Variants in CACNA1D observed in about 807,000 individuals in gnomAD.
CACNA1D encodes the protein voltage-dependent L-type calcium channel subunit alpha-1D.
CACNA1D carries 55 observed loss-of-function variants against 257.1 expected under a neutral mutation model. The observed-to-expected ratio is 0.21, with a 90% CI of 0.17 to 0.27. The LOEUF (loss-of-function observed/expected upper bound fraction) is 0.27, where lower values mean the gene tolerates loss of function less well. Among genes scored for constraint, CACNA1D ranks in the 10% least tolerant of loss-of-function variants. The pLI, the probability that CACNA1D is intolerant of heterozygous loss-of-function variation, is 1.00. For synonymous variants in CACNA1D, 980 were observed against 1,014.9 expected, an observed-to-expected ratio of 0.97 and a Z score of 0.65; for missense variants, 1,876 against 2,784.0, an observed-to-expected ratio of 0.67 and a Z score of 7.34.
At chr3:53,725,054 C>T (rs2094921779) in intron 14 of CACNA1D, among the ~76,000 whole-genome samples, 1 of 143,110 alleles carries the variant, frequency 7.0e-6, no homozygotes, top group Non-Finnish European at 1.5e-5. Context: ...TCTAATGTTA[C>T]AAATGAATAA....
chr3:53,661,681 C>T (rs1000129720), intron 5 of CACNA1D, among the ~76,000 whole-genome samples: 1 of 152,206 alleles, frequency 6.6e-6, no homozygotes, highest in Non-Finnish European at 1.5e-5. Flanking sequence ...GGGGCTGTGG[C>T]TGTGTGCGTG....
chr3:53,781,878 A>G, intron 39 of CACNA1D: 2 of 572,832 alleles, frequency 3.5e-6, no homozygotes, highest in Non-Finnish European at 6.2e-6. Context: ...GCTTCAGTGA[A>G]AAACCAAAAC....
intron 3 of CACNA1D, among the ~76,000 whole-genome samples, chr3:53,618,487 A>T (rs1399004658): frequency 6.6e-6 from 1 of 151,936 alleles, no homozygotes; most frequent in Non-Finnish European, 1.5e-5. Flanking sequence ...CTGCTCAGAA[A>T]CCTCACACAA....
At chr3:53,532,833 T>C (rs777970249) in intron 3 of CACNA1D, among the ~76,000 whole-genome samples, 4 of 152,196 alleles carry the variant, frequency 2.6e-5, no homozygotes, top group Admixed American at 6.5e-5. Context: ...GCCCCCGCTC[T>C]CCTTTTATCC....
chr3:53,760,219 T>C (rs901048728), intron 29 of CACNA1D, among the ~76,000 whole-genome samples: 4 of 152,108 alleles, frequency 2.6e-5, no homozygotes, highest in Admixed American at 2.0e-4. Context: ...AGCTCCCCCA[T>C]AAATGCACCT....
At chr3:53,802,236 C>CT in intron 43 of CACNA1D, 63 bp downstream of exon 43, 2 of 1,256,366 alleles carry the variant, frequency 1.6e-6, no homozygotes, top group Non-Finnish European at 2.3e-6. Flanking sequence ...GCTGGCCTCT[C>CT]TGAGTGCTGA....
intron 3 of CACNA1D, among the ~76,000 whole-genome samples, chr3:53,572,604 T>C (rs115943045): frequency 0.018 from 2,755 of 152,204 alleles, 81 homozygotes; most frequent in African/African-American, 0.063. Flanking sequence ...TTCACCGTGT[T>C]GCCCAGGCTG....
intron 8 of CACNA1D, chr3:53,679,117 A>G (rs1191189331): frequency 6.6e-6 from 1 of 151,370 alleles, no homozygotes; most frequent in Non-Finnish European, 1.5e-5. Flanking sequence ...TAAAAATACA[A>G]AAATTAGCCA....
chr3:53,533,026 A>C (rs1387120805), intron 3 of CACNA1D, among the ~76,000 whole-genome samples: 2 of 152,160 alleles, frequency 1.3e-5, no homozygotes, highest in Non-Finnish European at 2.9e-5. Context: ...AGAATTTTGC[A>C]CTTCGACCTA....
At chr3:53,656,874 A>AGT (rs2094152304) in intron 4 of CACNA1D, among the ~76,000 whole-genome samples, 1 of 152,236 alleles carries the variant, frequency 6.6e-6, no homozygotes, top group South Asian at 2.1e-4. Context: ...CATACCCACT[A>AGT]GTATTACTAA....
At chr3:53,573,251 A>G (rs989611610) in intron 3 of CACNA1D, among the ~76,000 whole-genome samples, 1 of 152,142 alleles carries the variant, frequency 6.6e-6, no homozygotes, top group Non-Finnish European at 1.5e-5. Context: ...GCTGGCAGGA[A>G]AGGGCTGACA....
chr3:53,585,036 T>G (rs1308992697), intron 3 of CACNA1D, among the ~76,000 whole-genome samples: 2 of 151,922 alleles, frequency 1.3e-5, no homozygotes, highest in African/African-American at 2.4e-5. Flanking sequence ...TTGTCTTTTT[T>G]TTTTTTTTTA....
chr3:53,542,320 C>CT (rs2092316364), intron 3 of CACNA1D, among the ~76,000 whole-genome samples: 1 of 151,966 alleles, frequency 6.6e-6, no homozygotes, highest in Non-Finnish European at 1.5e-5. Context: ...TGGCTCGTGC[C>CT]TGTAATCCCA....
At chr3:53,556,342 G>A (rs2092644950) in intron 3 of CACNA1D, among the ~76,000 whole-genome samples, 1 of 152,214 alleles carries the variant, frequency 6.6e-6, no homozygotes, top group South Asian at 2.1e-4. Context: ...TAAAATGGCT[G>A]TACCATTTTG....
At chr3:53,496,937 G>C (rs916479327) in intron 1 of CACNA1D, among the ~76,000 whole-genome samples, 1 of 152,172 alleles carries the variant, frequency 6.6e-6, no homozygotes. Flanking sequence ...CGGTGATCCT[G>C]TGTGATTGAC....
At chr3:53,713,543 T>TGC (rs377132134) in intron 9 of CACNA1D, among the ~76,000 whole-genome samples, 2 of 120,932 alleles carry the variant, frequency 1.7e-5, no homozygotes, top group African/African-American at 6.1e-5. Flanking sequence ...TGTGTGTGTG[T>TGC]GAGAGATTTG....
At chr3:53,771,608 C>T (rs994406329) in intron 32 of CACNA1D, among the ~76,000 whole-genome samples, 21 of 152,198 alleles carry the variant, frequency 1.4e-4, no homozygotes, top group African/African-American at 5.1e-4. Flanking sequence ...TGCTAAGGCA[C>T]AGAATCCTCG....
intron 17 of CACNA1D, among the ~76,000 whole-genome samples, chr3:53,731,422 T>C (rs2094991039): frequency 6.6e-6 from 1 of 152,218 alleles, no homozygotes; most frequent in Non-Finnish European, 1.5e-5. Context: ...AATTGTGCAA[T>C]CAGCCCTGAC....
At chr3:53,689,740 C>T (rs549135851) in intron 8 of CACNA1D, among the ~76,000 whole-genome samples, 27 of 152,200 alleles carry the variant, frequency 1.8e-4, no homozygotes, top group African/African-American at 6.5e-4. Flanking sequence ...CTCATTGCAG[C>T]CTCAAATTTC....
Sources: allele counts gnomAD v4.1 joint callset (sites outside exome capture counted in the v4.1 genomes callset), GRCh38; gene constraint gnomAD v4.1.1; transcripts MANE v1.5; gene names NCBI Gene and HGNC (gene_info 2026-07-23, HGNC 2026-07-21).